The following PRIM2 variants were observed in gnomAD, a reference collection of about 807,000 sequenced individuals.
The protein encoded by PRIM2 is DNA primase large subunit.
Under a neutral mutation model 67.3 loss-of-function variants are expected in PRIM2, and 39 were observed. The ratio of observed to expected loss-of-function variants is 0.58; its 90% CI spans 0.45 to 0.76. The LOEUF is 0.76. Ranked by LOEUF, PRIM2 falls within the 30% of genes least tolerant of loss-of-function variation. PRIM2 has a pLI of 0.00. For missense variants in PRIM2, 398 were observed against 598.7 expected, an observed-to-expected ratio of 0.66 and a Z score of 3.50; for synonymous variants, 143 against 198.7, an observed-to-expected ratio of 0.72 and a Z score of 2.36.
intron 8 of PRIM2, among the ~76,000 whole-genome samples, chr6:57,515,377 T>C (rs1278925812): frequency 1.9e-4 from 29 of 152,278 alleles, no homozygotes; most frequent in African/African-American, 7.0e-4. Context: ...AACATAGATG[T>C]TTTCCAGCAG....
At chr6:57,555,327 G>A (rs1205846800) in intron 10 of PRIM2, among the ~76,000 whole-genome samples, 13 of 151,298 alleles carry the variant, frequency 8.6e-5, no homozygotes, top group African/African-American at 2.7e-4. Context: ...TCATCCAGGC[G>A]GGAGCGCAGT....
chr6:57,390,251 A>G (rs1165695328), intron 7 of PRIM2: 1 of 154,086 alleles, frequency 6.5e-6, no homozygotes, highest in African/African-American at 2.4e-5. Context: ...AAATAAGCAT[A>G]TGCTCTTTCT....
At chr6:57,419,212 T>A (rs1187995328) in intron 7 of PRIM2, among the ~76,000 whole-genome samples, 1 of 151,982 alleles carries the variant, frequency 6.6e-6, no homozygotes, top group Non-Finnish European at 1.5e-5. Context: ...GTGTGAGAGA[T>A]GTGCCCTAGG....
intron 5 of PRIM2, among the ~76,000 whole-genome samples, chr6:57,379,086 G>A (rs141088157): frequency 8.0e-6 from 1 of 124,886 alleles, no homozygotes; most frequent in Non-Finnish European, 1.6e-5. Context: ...CACAAAGATT[G>A]TCCTAACACT....
chr6:57,289,989 C>T, the PRIM2 span, among the ~76,000 whole-genome samples: 3 of 152,198 alleles, frequency 2.0e-5, no homozygotes, highest in Admixed American at 6.5e-5. Context: ...CTAAATGTCC[C>T]AGTTAAAAGA....
At chr6:57,287,347 T>C in the PRIM2 span, among the ~76,000 whole-genome samples, 1 of 152,150 alleles carries the variant, frequency 6.6e-6, no homozygotes, top group Non-Finnish European at 1.5e-5. Context: ...AAGCAAAGAC[T>C]TGTAACCAAC....
At chr6:57,542,037 G>A (rs1221540089) in intron 10 of PRIM2, among the ~76,000 whole-genome samples, 10 of 146,850 alleles carry the variant, frequency 6.8e-5, no homozygotes, top group African/African-American at 1.5e-4. Flanking sequence ...GTGCAGTGGC[G>A]CAGTCTTAGC....
chr6:57,569,120 C>G (rs1775810573), intron 10 of PRIM2, among the ~76,000 whole-genome samples: 2 of 152,096 alleles, frequency 1.3e-5, no homozygotes, highest in African/African-American at 4.8e-5. Flanking sequence ...TCATTCTGGT[C>G]AAGATACTTA....
At chr6:57,389,470 A>G (rs1770260730) in intron 7 of PRIM2, among the ~76,000 whole-genome samples, 1 of 152,126 alleles carries the variant, frequency 6.6e-6, no homozygotes, top group East Asian at 1.9e-4. Flanking sequence ...GTAAAACGTT[A>G]AAGAAACCAG....
At chr6:57,480,934 T>G (rs1773609458) in intron 7 of PRIM2, among the ~76,000 whole-genome samples, 1 of 152,192 alleles carries the variant, frequency 6.6e-6, no homozygotes, top group Admixed American at 6.5e-5. Flanking sequence ...CCCATTTCTT[T>G]AATTTTCTTA....
chr6:57,401,481 C>T lies in PRIM2; in HGVS notation c.693+19313C>T, dbSNP rs570740855. On this transcript the variant is annotated intron_variant, in intron 7 of 13. Transcript: ENST00000615550. ...AGACTCTTGCTTGGTTTTGTGGCTC[C>T]CTTATATTTCCTTACAGGTGGAGCC... Among the ~76,000 whole-genome samples the T allele has an allele frequency of 2.4e-3, 360 of 152,214 alleles. 3 individuals carry two copies. Among genetic ancestry groups the T allele is most frequent in the African/African-American group, 8.2e-3 (340 of 41,540 alleles).
At chr6:57,329,231 A>T (rs779797779) in intron 5 of PRIM2, among the ~76,000 whole-genome samples, 20 of 151,728 alleles carry the variant, frequency 1.3e-4, no homozygotes, top group Non-Finnish European at 2.5e-4. Flanking sequence ...GGTCATAAAG[A>T]TTTACTCCTA....
At chr6:57,490,402 A>G (rs1773861995) in intron 7 of PRIM2, among the ~76,000 whole-genome samples, 1 of 152,166 alleles carries the variant, frequency 6.6e-6, no homozygotes, top group African/African-American at 2.4e-5. Context: ...CTAGTAGCTC[A>G]TAGCTTGTGT....
the PRIM2 span, among the ~76,000 whole-genome samples, chr6:57,229,268 G>C: frequency 6.6e-6 from 1 of 151,900 alleles, no homozygotes; most frequent in African/African-American, 2.4e-5. Context: ...TATCTTTCTG[G>C]CTTTATTATG....
rs555922804 is a variant in PRIM2, at chr6:57,397,576, G to A, written c.693+15408G>A. On this transcript the variant is annotated intron_variant, in intron 7 of 13. Transcript: ENST00000615550. ...TTGAATATTTCCCCCTTCACTTCTT[G>A]TATCATTTTTTGGATTTCCTTGCAT... 8.8e-4 allele frequency among the ~76,000 whole-genome samples: 133 copies of A among 151,780 alleles called. 1 individual carries two copies. Among genetic ancestry groups the A allele is most frequent in the African/African-American group, 3.0e-3 (126 of 41,366 alleles).
chr6:57,351,345 G>A (rs1768851199), intron 5 of PRIM2, among the ~76,000 whole-genome samples: 1 of 151,544 alleles, frequency 6.6e-6, no homozygotes, highest in African/African-American at 2.4e-5. Context: ...AGGTTTGGAT[G>A]TTCAACCTGT....
chr6:57,342,305 C>T (rs73748716), intron 5 of PRIM2, among the ~76,000 whole-genome samples: 4,466 of 152,214 alleles, frequency 0.029, 104 homozygotes, highest in Non-Finnish European at 0.042. Context: ...ATTTCTAAGG[C>T]GTTTCAATGA....
the PRIM2 span, among the ~76,000 whole-genome samples, chr6:57,276,115 C>T: frequency 3.6e-4 from 55 of 152,040 alleles, 2 homozygotes; most frequent in Non-Finnish European, 2.5e-4. Flanking sequence ...CTGGGCCAGG[C>T]GCAGTGGCTC....
At chr6:57,543,370 G>C (rs1332490153) in intron 10 of PRIM2, among the ~76,000 whole-genome samples, 3 of 152,152 alleles carry the variant, frequency 2.0e-5, no homozygotes, top group Non-Finnish European at 2.9e-5. Context: ...TGTCCTAACA[G>C]TGTAAGAAAA....
Sources: gnomAD v4.1 joint callset for allele counts (sites outside exome capture counted in the v4.1 genomes callset) on GRCh38, gnomAD v4.1.1 for gene constraint, MANE v1.5 for transcripts, NCBI Gene and HGNC (gene_info 2026-07-23, HGNC 2026-07-21) for gene names.